Variants in RAB10 observed in about 807,000 individuals in gnomAD.
RAB10 encodes the protein RAB10, member RAS oncogene family.
In RAB10, 5 loss-of-function variants were observed where a neutral mutation model predicts 25.7. The observed-to-expected ratio is 0.19, with a 90% confidence interval of 0.10 to 0.41. The LOEUF is 0.41. Ranked by LOEUF, RAB10 falls within the 10% of genes least tolerant of loss-of-function variation. The pLI, the probability that RAB10 is intolerant of heterozygous loss-of-function variation, is 1.00. For missense variants in RAB10, 103 were observed against 245.8 expected, an observed-to-expected ratio of 0.42 and a Z score of 3.89; for synonymous variants, 89 against 86.4, an observed-to-expected ratio of 1.03 and a Z score of -0.16.
At chr2:26,086,182 G>T (rs1314242919) in intron 1 of RAB10, among the ~76,000 whole-genome samples, 3 of 151,694 alleles carry the variant, frequency 2.0e-5, no homozygotes, top group Non-Finnish European at 2.9e-5. Context: ...ACTGAGTCTG[G>T]TGGCAGTCCC....
chr2:26,073,861 G>A (rs1202866578), intron 1 of RAB10, among the ~76,000 whole-genome samples: 4 of 152,130 alleles, frequency 2.6e-5, no homozygotes, highest in South Asian at 4.1e-4. Context: ...GAATAGAATC[G>A]GAGGGTTTCT....
rs1666462345 is a variant in RAB10, at chr2:26,063,972, A to G, written c.127+29237A>G. Among the ~76,000 whole-genome samples the G allele has an allele frequency of 2.0e-5, 3 of 152,020 alleles. No individual in the cohort carries two copies. The South Asian group carries it at 6.2e-4, about 32-fold the overall frequency. ...GCCATTATGCCTAGCTAATTTTTGT[A>G]ATTTTTAGTAGATAATGGGATTTCA... On this transcript the variant is annotated intron_variant, in intron 1 of 5. Coordinates refer to ENST00000264710, the MANE Select transcript of RAB10 (RefSeq NM_016131.5).
intron 1 of RAB10, among the ~76,000 whole-genome samples, chr2:26,065,715 C>T (rs978923043): frequency 1.3e-5 from 2 of 152,162 alleles, no homozygotes; most frequent in African/African-American, 4.8e-5. Context: ...ACAGAAATCA[C>T]ATGCTGTCAT....
intron 2 of RAB10, among the ~76,000 whole-genome samples, chr2:26,107,847 C>CG (rs1559595143): frequency 2.9e-5 from 4 of 137,738 alleles, no homozygotes; most frequent in African/African-American, 1.1e-4. Flanking sequence ...AGAAAATGGG[C>CG]AAAAAAAAAA....
intron 2 of RAB10, among the ~76,000 whole-genome samples, chr2:26,109,165 C>T (rs763604037): frequency 4.6e-5 from 7 of 152,114 alleles, no homozygotes; most frequent in Non-Finnish European, 8.8e-5. Flanking sequence ...ACGCCTCAGC[C>T]TCCCGAAGGG....
chr2:26,090,606 A>ACTGC (rs1667082878), intron 1 of RAB10, among the ~76,000 whole-genome samples: 1 of 148,860 alleles, frequency 6.7e-6, no homozygotes, highest in Non-Finnish European at 1.5e-5. Context: ...TATGTCTCAC[A>ACTGC]CTGCCTCTGT....
rs1374838080 is a variant in RAB10, at chr2:26,136,902, A to G, written c.*1881A>G. ...AAAGCAGCATTGCCAAATAATCCCT[A>G]ATTTTCCACTAAAAATATAATGAAA... On this transcript the variant is annotated 3_prime_UTR_variant, in exon 6 of 6. Transcript: ENST00000264710. 1 of 152,642 alleles carries G rather than the reference A, an allele frequency of 6.6e-6. No homozygotes were observed. The highest frequency in any genetic ancestry group is 2.1e-4 in the South Asian group (1 of 4,836). The allele number at this position is 152,642 out of a possible 1,614,324, so 9.5% of individuals were successfully genotyped here. A position where few individuals can be genotyped will look rare whatever the true frequency, so the allele number is the denominator to read the frequency against.
chr2:26,049,981 T>TA (rs1324256194), intron 1 of RAB10, among the ~76,000 whole-genome samples: 1 of 152,210 alleles, frequency 6.6e-6, no homozygotes, highest in East Asian at 1.9e-4. Context: ...CTCTGCTAGA[T>TA]ACTTTCTCTG....
intron 2 of RAB10, among the ~76,000 whole-genome samples, chr2:26,108,690 T>C (rs915619947): frequency 6.6e-6 from 1 of 152,062 alleles, no homozygotes; most frequent in Non-Finnish European, 1.5e-5. Context: ...TTTGCTATTA[T>C]GCTGCAGTAA....
chr2:26,054,870 A>C (rs968504319), intron 1 of RAB10, among the ~76,000 whole-genome samples: 6 of 152,098 alleles, frequency 3.9e-5, no homozygotes, highest in East Asian at 1.9e-4. Context: ...AGTCCCAGCT[A>C]CTTGGGAGGC....
At chr2:26,076,542 A>G (rs1666739826) in intron 1 of RAB10, among the ~76,000 whole-genome samples, 2 of 152,208 alleles carry the variant, frequency 1.3e-5, no homozygotes, top group Admixed American at 1.3e-4. Context: ...AGGTGCCCCC[A>G]AAGTATTAGA....
At chr2:26,079,192 A>T (rs142178391) in intron 1 of RAB10, among the ~76,000 whole-genome samples, 110 of 152,152 alleles carry the variant, frequency 7.2e-4, no homozygotes, top group African/African-American at 2.5e-3. Flanking sequence ...ATCTCAAAAA[A>T]TTTTTTTGTG....
intron 5 of RAB10, among the ~76,000 whole-genome samples, chr2:26,132,595 G>A (rs988992181): frequency 6.6e-6 from 1 of 152,108 alleles, no homozygotes; most frequent in African/African-American, 2.4e-5. Flanking sequence ...TTCCTTTTCT[G>A]TAGTATTTTT....
chr2:26,053,506 A>G (rs980588699), intron 1 of RAB10, among the ~76,000 whole-genome samples: 2 of 152,210 alleles, frequency 1.3e-5, no homozygotes, highest in African/African-American at 2.4e-5. Flanking sequence ...GCAAATTCAT[A>G]ATCTATTAGA....
intron 1 of RAB10, among the ~76,000 whole-genome samples, chr2:26,039,655 G>A (rs1262738943): frequency 2.0e-5 from 3 of 151,604 alleles, no homozygotes. Flanking sequence ...GGCCTAAAAA[G>A]TAAATTTTAA....
At chr2:26,117,627 A>C (rs907880428) in intron 3 of RAB10, among the ~76,000 whole-genome samples, 7 of 146,612 alleles carry the variant, frequency 4.8e-5, no homozygotes, top group South Asian at 2.2e-4. Flanking sequence ...CTCAAAAAAA[A>C]AAAAAAAACA....
At chr2:26,133,325 A>G (rs1668045805) in intron 5 of RAB10, among the ~76,000 whole-genome samples, 2 of 152,186 alleles carry the variant, frequency 1.3e-5, no homozygotes, top group African/African-American at 4.8e-5. Context: ...AATCTCAAAG[A>G]CTGATACTGA....
chr2:26,091,306 A>AT (rs1240865623), intron 1 of RAB10, among the ~76,000 whole-genome samples: 1 of 152,188 alleles, frequency 6.6e-6, no homozygotes, highest in Non-Finnish European at 1.5e-5. Flanking sequence ...AGAAGTGTTA[A>AT]TAGACAATGG....
chr2:26,053,321 A>G (rs1190511356), intron 1 of RAB10, among the ~76,000 whole-genome samples: 1 of 152,218 alleles, frequency 6.6e-6, no homozygotes, highest in Non-Finnish European at 1.5e-5. Context: ...CACTATCCAG[A>G]TCAGTGACAT....
Sources: gnomAD v4.1 joint callset for allele counts (sites outside exome capture counted in the v4.1 genomes callset) on GRCh38, gnomAD v4.1.1 for gene constraint, MANE v1.5 for transcripts, NCBI Gene and HGNC (gene_info 2026-07-23, HGNC 2026-07-21) for gene names.